SLC9A1: variants seen among roughly 807,000 people sequenced by gnomAD.
SLC9A1 encodes the protein solute carrier family 9 member A1.
Under a neutral mutation model 67.9 loss-of-function variants are expected in SLC9A1, and 22 were observed. The ratio of observed to expected loss-of-function variants is 0.32; its 90% CI spans 0.23 to 0.46. The LOEUF (loss-of-function observed/expected upper bound fraction) is 0.46, where lower values mean the gene tolerates loss of function less well. Ranked by LOEUF, SLC9A1 falls within the 20% of genes least tolerant of loss-of-function variation. The probability of loss-of-function intolerance (pLI) is 1.00; values close to 1 mark genes in which losing one functional copy is unlikely to be tolerated. For missense variants in SLC9A1, 686 were observed against 1,094.8 expected (o/e 0.63, Z 5.27); for synonymous variants, 421 against 471.8 (o/e 0.89, Z 1.40).
Position 27,100,924 on chromosome 1 carries a change from G to A in SLC9A1, c.2110+279C>T, listed in dbSNP as rs570011849. On this transcript the variant is annotated intron_variant, in intron 11 of 11. Transcript: ENST00000263980. This position sits in a 1 kb window ranked among gnomAD's most constrained non-coding sequence, Gnocchi z 5.6. ...GTCTGCCCTGGGGCCCTGCCCTCACGTTCCCCACACGTGTTGGGGGTCTCG... is the reference window on the plus strand; with the variant it reads ...GTCTGCCCTGGGGCCCTGCCCTCACATTCCCCACACGTGTTGGGGGTCTCG... 7.9e-4 allele frequency among the ~76,000 whole-genome samples: 121 copies of A among 152,274 alleles called. No homozygotes were observed. Among genetic ancestry groups the A allele is most frequent in the Middle Eastern group, 3.4e-3 (1 of 294 alleles).
At chr1:27,102,819 C>T in intron 6 of SLC9A1, 76 bp from the exon 7 acceptor site, 1 of 1,296,544 alleles carries the variant, frequency 7.7e-7, no homozygotes, top group Non-Finnish European at 1.1e-6. Flanking sequence ...TAGCCCCACT[C>T]CCTCCCGTAG....
intron 1 of SLC9A1, 56 bp downstream of exon 1, chr1:27,153,927 G>C (rs1312890832): frequency 9.9e-6 from 12 of 1,215,876 alleles, no homozygotes; most frequent in African/African-American, 1.5e-5. Flanking sequence ...TGCGAGATGA[G>C]GCAAGAAGCT....
In SLC9A1 at chr1:27,137,813, A is replaced by G. The variant is rs2083429022; in HGVS notation, c.352+16170T>C. Among the ~76,000 whole-genome samples the G allele has an allele frequency of 6.6e-6, 1 of 152,168 alleles. No individual in the cohort carries two copies. Among genetic ancestry groups the G allele is most frequent in the Non-Finnish European group, 1.5e-5 (1 of 68,018 alleles). ...GGGGTGGCCAGCAGGAGTCCAGCAG[A>G]GCCTGGTGCCCACTCAGCCCCTCCC... On this transcript the variant is annotated intron_variant, in intron 1 of 11. Coordinates refer to ENST00000263980, the MANE Select transcript of SLC9A1 (RefSeq NM_003047.5). This position sits in a 1 kb window ranked among gnomAD's most constrained non-coding sequence, Gnocchi z 4.6.
At chr1:27,102,257 G>A (rs1353646236) in intron 8 of SLC9A1, 127 bp from the exon 9 acceptor site, 7 of 1,344,068 alleles carry the variant, frequency 5.2e-6, no homozygotes, top group South Asian at 3.8e-5. Context: ...TCCTTGGTGC[G>A]AGCCCACAGC....
At chr1:27,135,424 G>A (rs2083413797) in intron 1 of SLC9A1, among the ~76,000 whole-genome samples, 1 of 151,490 alleles carries the variant, frequency 6.6e-6, no homozygotes, top group African/African-American at 2.4e-5. Flanking sequence ...CAGAGTGCTC[G>A]GCCCGAGAAG....
chr1:27,136,458 C>G (rs2083420954), intron 1 of SLC9A1, among the ~76,000 whole-genome samples: 1 of 152,250 alleles, frequency 6.6e-6, no homozygotes, highest in African/African-American at 2.4e-5. Context: ...ACACTTTCCC[C>G]AGCTCTTGTT....
intron 1 of SLC9A1, among the ~76,000 whole-genome samples, chr1:27,139,443 G>A (rs755705379): frequency 3.3e-5 from 5 of 152,176 alleles, no homozygotes; most frequent in African/African-American, 1.2e-4. Context: ...ACCATGACTC[G>A]CACCCTTCGG....
At chr1:27,127,922 A>G (rs11805094) in intron 1 of SLC9A1, among the ~76,000 whole-genome samples, 2,728 of 152,296 alleles carry the variant, frequency 0.018, 76 homozygotes, top group African/African-American at 0.059. Flanking sequence ...CTCAGCCACT[A>G]ACATTCTGTG....
Position 27,101,699 on chromosome 1 carries a change from G to C in SLC9A1, c.2037+26C>G. On this transcript the variant is annotated intron_variant, in intron 10 of 11. Coordinates refer to ENST00000263980, the MANE Select transcript of SLC9A1 (RefSeq NM_003047.5). This position sits in a 1 kb window ranked among gnomAD's most constrained non-coding sequence, Gnocchi z 4.9. ...GCTTGGGCGAGTGGGGTGGGATACA[G>C]ATTCCCAGAGGAAGGCAGAGGCTAC... 6.6e-7 allele frequency: 1 copy of C among 1,526,656 alleles called. No individual in the cohort carries two copies. The highest frequency in any genetic ancestry group is 9.0e-7 in the Non-Finnish European group (1 of 1,105,682). 94.6% of individuals were successfully genotyped at this position (1,526,656 alleles called of 1,614,324 possible).
chr1:27,151,852 G>A (rs2083530789), intron 1 of SLC9A1, among the ~76,000 whole-genome samples: 1 of 152,188 alleles, frequency 6.6e-6, no homozygotes, highest in African/African-American at 2.4e-5. Flanking sequence ...TAGAACTCCT[G>A]TTTTCAGAGG....
chr1:27,101,256 A>G lies in SLC9A1; in HGVS notation c.2057T>C (p.Val686Ala). The G allele has an allele frequency of 6.2e-7, 1 of 1,612,192 alleles. No individual in the cohort carries two copies. Among genetic ancestry groups the G allele is most frequent in the Non-Finnish European group, 8.5e-7 (1 of 1,179,890 alleles). Residue 686 changes from valine (V) to alanine (A), a missense_variant, in exon 11 of 12, where the codon GTG (valine) becomes GCG (alanine). Physicochemically the swap from Val to Ala is moderately conservative, Grantham distance 64. This residue lies in a region of SLC9A1 where 226 missense variants were observed against 282.4 expected (regional missense o/e 0.80). Transcript: ENST00000263980. This position sits in a 1 kb window ranked among gnomAD's most constrained non-coding sequence, Gnocchi z 4.9. ...GGGTGAGTCCAGCTTGTGGGCTGGC[A>G]CCGTCAGGTAGTTGTTGATCTGACA... is the stretch of plus-strand genomic sequence containing the variant. ...LEQKINNYLTVPAHKLDSPTM... is the reference protein window; with the variant it reads ...LEQKINNYLTAPAHKLDSPTM...
At chr1:27,141,697 G>C (rs2083453929) in intron 1 of SLC9A1, among the ~76,000 whole-genome samples, 1 of 152,220 alleles carries the variant, frequency 6.6e-6, no homozygotes, top group Non-Finnish European at 1.5e-5. Context: ...CAGCCAGGCA[G>C]GCAGTGCTCA....
chr1:27,125,548 C>G (rs1233470261), intron 1 of SLC9A1, among the ~76,000 whole-genome samples: 2 of 148,792 alleles, frequency 1.3e-5, no homozygotes, highest in Non-Finnish European at 3.0e-5. Flanking sequence ...GCCCAGCCCA[C>G]ATATCCACTC....
At chr1:27,131,743 C>T (rs2083385746) in intron 1 of SLC9A1, among the ~76,000 whole-genome samples, 2 of 111,936 alleles carry the variant, frequency 1.8e-5, no homozygotes, top group African/African-American at 7.1e-5. Flanking sequence ...GAGACTCTGT[C>T]TCAAAAAAAA....
At chr1:27,107,511 C>T (rs1570849634) in intron 4 of SLC9A1, 137 bp downstream of exon 4, 1 of 681,146 alleles carries the variant, frequency 1.5e-6, no homozygotes, top group East Asian at 2.7e-5. Flanking sequence ...TTATACACTG[C>T]ACCACATGCA....
Position 27,109,812 on chromosome 1 carries a change from G to A in SLC9A1, c.814-35C>T. The A allele has an allele frequency of 6.2e-7, 1 of 1,610,980 alleles. No homozygotes were observed. The highest frequency in any genetic ancestry group is 8.5e-7 in the Non-Finnish European group (1 of 1,178,816). On this transcript the variant is annotated intron_variant, in intron 2 of 11. Coordinates refer to ENST00000263980, the MANE Select transcript of SLC9A1 (RefSeq NM_003047.5). This position sits in a 1 kb window ranked among gnomAD's most constrained non-coding sequence, Gnocchi z 5.5. The stretch of plus-strand genomic sequence containing the variant: ...GTGTGCAGGCTGGTGGGTGGGAGGA[G>A]AGGGCCCTGGCCCCACGGTTCCCTG...
intron 1 of SLC9A1, among the ~76,000 whole-genome samples, chr1:27,122,512 G>A (rs950834246): frequency 2.0e-5 from 3 of 152,108 alleles, no homozygotes; most frequent in Non-Finnish European, 2.9e-5. Flanking sequence ...GGCCTGACCC[G>A]GGCAGATCAA....
intron 1 of SLC9A1, among the ~76,000 whole-genome samples, chr1:27,136,126 G>C (rs989616999): frequency 5.3e-5 from 8 of 152,184 alleles, no homozygotes; most frequent in Non-Finnish European, 8.8e-5. Context: ...AGGCAGTCTC[G>C]CTCCTGGCTT....
At chr1:27,107,481 C>T (rs1280176677) in intron 4 of SLC9A1, among the ~76,000 whole-genome samples, 167 bp downstream of exon 4, 5 of 151,170 alleles carry the variant, frequency 3.3e-5, no homozygotes, top group Non-Finnish European at 7.4e-5. Context: ...ACACCACAGC[C>T]CAGCCCCTCC....
Sources: gnomAD v4.1 joint callset for allele counts (sites outside exome capture counted in the v4.1 genomes callset) on GRCh38, gnomAD v4.1.1 for gene constraint, gnomAD v4.1.1 regional missense constraint, Gnocchi (gnomAD v3.1) non-coding constraint, MANE v1.5 for transcripts, NCBI Gene and HGNC (gene_info 2026-07-23, HGNC 2026-07-21) for gene names.